The following RASGRP3 variants were observed in gnomAD, a reference collection of about 807,000 sequenced individuals.
The protein encoded by RASGRP3 is RAS guanyl releasing protein 3.
RASGRP3 carries 54 observed loss-of-function variants against 82.7 expected under a neutral mutation model. The ratio of observed to expected loss-of-function variants is 0.65; its 90% CI spans 0.52 to 0.82. RASGRP3 has a LOEUF of 0.82. Among genes scored for constraint, RASGRP3 ranks in the 40% least tolerant of loss-of-function variants. The pLI is 0.00. For synonymous variants in RASGRP3, 309 were observed against 300.5 expected (o/e 1.03, Z -0.29); for missense variants, 861 against 828.9 (o/e 1.04, Z -0.48).
chr2:33,468,320 G>C (rs1666844561), intron 2 of RASGRP3, among the ~76,000 whole-genome samples: 1 of 151,570 alleles, frequency 6.6e-6, no homozygotes, highest in South Asian at 2.1e-4. Flanking sequence ...TTAGAAAAAT[G>C]GGATTGTACT....
At chr2:33,443,445 A>C (rs779786836) in intron 1 of RASGRP3, among the ~76,000 whole-genome samples, 1 of 152,076 alleles carries the variant, frequency 6.6e-6, no homozygotes, top group Non-Finnish European at 1.5e-5. Context: ...AATTCTTTGG[A>C]TGGGGAAACT....
intron 17 of RASGRP3, chr2:33,559,773 G>C: frequency 2.5e-6 from 1 of 399,974 alleles, no homozygotes; most frequent in Non-Finnish European, 5.0e-6. Flanking sequence ...CTCATAAACA[G>C]AATATTGGGT....
intron 13 of RASGRP3, among the ~76,000 whole-genome samples, chr2:33,548,594 T>C (rs370752118): frequency 2.0e-5 from 3 of 151,906 alleles, no homozygotes; most frequent in South Asian, 4.2e-4. Context: ...AGAGAGGACA[T>C]AGGAGGTAGA....
intron 6 of RASGRP3, among the ~76,000 whole-genome samples, chr2:33,521,638 A>G (rs1454261270): frequency 2.6e-5 from 4 of 152,202 alleles, no homozygotes; most frequent in Non-Finnish European, 5.9e-5. Context: ...ATCACCACCT[A>G]TATCCTGATA....
At chr2:33,450,834 T>G (rs1322464675) in intron 2 of RASGRP3, among the ~76,000 whole-genome samples, 3 of 69,202 alleles carry the variant, frequency 4.3e-5, no homozygotes, top group African/African-American at 1.8e-4. Flanking sequence ...TTTTTTTTTT[T>G]TTTTTTTTTT....
chr2:33,519,737 T>C (rs910510299), intron 4 of RASGRP3, among the ~76,000 whole-genome samples: 1 of 152,214 alleles, frequency 6.6e-6, no homozygotes, highest in African/African-American at 2.4e-5. Context: ...AAGTGGCTTC[T>C]TCTTCAGACC....
At chr2:33,520,128 C>T in intron 5 of RASGRP3, 114 bp downstream of exon 5, 1 of 832,120 alleles carries the variant, frequency 1.2e-6, no homozygotes, top group Non-Finnish European at 1.9e-6. Flanking sequence ...TCTGATACCC[C>T]TCCCACCAAC....
At chr2:33,446,313 C>A (rs746681019) in intron 1 of RASGRP3, among the ~76,000 whole-genome samples, 2 of 152,090 alleles carry the variant, frequency 1.3e-5, no homozygotes, top group African/African-American at 4.8e-5. Context: ...CCCGCCACCA[C>A]GCCGGGCTAA....
intron 2 of RASGRP3, among the ~76,000 whole-genome samples, chr2:33,468,407 T>C (rs1359688492): frequency 7.1e-6 from 1 of 141,396 alleles, no homozygotes; most frequent in Non-Finnish European, 1.6e-5. Flanking sequence ...TGCTTCAACA[T>C]TTTTTTTTTT....
chr2:33,465,656 T>A (rs973694235), intron 2 of RASGRP3, among the ~76,000 whole-genome samples: 2 of 152,190 alleles, frequency 1.3e-5, no homozygotes, highest in African/African-American at 4.8e-5. Flanking sequence ...ATACAACAGA[T>A]TTTCCACGTA....
rs1256221959 is a variant in RASGRP3, at chr2:33,558,314, T to C, written c.1683T>C (p.Pro561=). The stretch of plus-strand genomic sequence containing the variant: ...TGAGCAGTGGTCATGGGTCACTGCC[T>C]GGAAGCCCCTCGCTGCCCCCAGGTA... ...PSLSSGHGSL[P]GSPSLPPAQD... Residue 561 remains proline, a synonymous_variant, in exon 16 of 18, where the codon CCT becomes CCC. Transcript: ENST00000403687. 2 of 1,613,654 alleles carry C rather than the reference T, an allele frequency of 1.2e-6. No individual in the cohort carries two copies. Among genetic ancestry groups the C allele is most frequent in the Non-Finnish European group, 8.5e-7 (1 of 1,179,870 alleles).
Position 33,549,625 on chromosome 2 carries a change from T to C in RASGRP3, c.1416T>C (p.Asp472=), listed in dbSNP as rs764743595. The change falls in exon 14 of 18, where the codon GAT becomes GAC. Residue 472 remains aspartate, a synonymous_variant. Coordinates refer to ENST00000403687, the MANE Select transcript of RASGRP3 (RefSeq NM_001139488.2). ...ACAGGGATGGCCTAATTAGTAAAGATGAAATGATGGCTTACTTCCTGAGAG... is the reference window on the plus strand; with the variant it reads ...ACAGGGATGGCCTAATTAGTAAAGACGAAATGATGGCTTACTTCCTGAGAG... ...DKDQDGLISK[D]EMMAYFLRAK... The C allele has an allele frequency of 1.2e-5, 20 of 1,613,212 alleles. No individual in the cohort carries two copies. The highest frequency in any genetic ancestry group is 1.2e-4 in the South Asian group (11 of 90,902).
At chr2:33,494,254 A>C (rs1669110824) in intron 1 of RASGRP3, among the ~76,000 whole-genome samples, 1 of 152,210 alleles carries the variant, frequency 6.6e-6, no homozygotes, top group Admixed American at 6.5e-5. Context: ...CTCTGAGTAG[A>C]CTAAAAACAC....
chr2:33,494,393 A>T (rs1277442965), intron 1 of RASGRP3, among the ~76,000 whole-genome samples: 1 of 152,232 alleles, frequency 6.6e-6, no homozygotes, highest in Non-Finnish European at 1.5e-5. Context: ...AAACAACAAC[A>T]AAAGTAGAGT....
Position 33,558,705 on chromosome 2 carries a change from C to T in RASGRP3, c.1739C>T (p.Thr580Ile), listed in dbSNP as rs1676295497. Residue 580 changes from threonine (T) to isoleucine (I), a missense_variant, in exon 17 of 18, where the codon ACT becomes ATT. Coordinates refer to ENST00000403687, the MANE Select transcript of RASGRP3 (RefSeq NM_001139488.2). ...GAGGTGTTTGAGTTCCCTGGAGTCA[C>T]TGCTGGACACAGGGATTTAGACAGC... The part of the protein sequence containing the change: ...QDEVFEFPGV[T>I]AGHRDLDSRA... 2 of 1,612,558 alleles carry T rather than the reference C, an allele frequency of 1.2e-6. No individual in the cohort carries two copies. The highest frequency in any genetic ancestry group is 1.7e-6 in the Non-Finnish European group (2 of 1,179,264).
rs552868740 is a variant in RASGRP3, at chr2:33,563,421, C to T, written c.*684C>T. 6.6e-6 allele frequency: 1 copy of T among 152,240 alleles called. No individual in the cohort carries two copies. Among genetic ancestry groups the T allele is most frequent in the African/African-American group, 2.4e-5 (1 of 41,528 alleles). 9.4% of individuals were successfully genotyped at this position (152,240 alleles called of 1,614,324 possible). The stretch of plus-strand genomic sequence containing the variant: ...CATGTATATATCACACAAGTCTTAC[C>T]AATTCTGCGTCACTAGGAAGCTATA... On this transcript the variant is annotated 3_prime_UTR_variant, in exon 18 of 18. Coordinates refer to ENST00000403687, the MANE Select transcript of RASGRP3 (RefSeq NM_001139488.2).
chr2:33,558,078 C>T lies in RASGRP3; in HGVS notation c.1580-133C>T, dbSNP rs1676208346. 10 of 1,211,760 alleles carry T rather than the reference C, an allele frequency of 8.3e-6. No individual in the cohort carries two copies. The South Asian group carries it at 1.5e-4, about 18-fold the overall frequency. 75.1% of individuals were successfully genotyped at this position (1,211,760 alleles called of 1,614,324 possible). A position where few individuals can be genotyped will look rare whatever the true frequency, so the allele number is the denominator to read the frequency against. On this transcript the variant is annotated intron_variant, in intron 15 of 17. Coordinates refer to ENST00000403687, the MANE Select transcript of RASGRP3 (RefSeq NM_001139488.2). ...CCAGATCCTAGACACACCCCATGGGCCTGAGCTCAACTCTGAAATTCAACA... is the reference window on the plus strand; with the variant it reads ...CCAGATCCTAGACACACCCCATGGGTCTGAGCTCAACTCTGAAATTCAACA...
At chr2:33,439,969 A>G (rs1665136996) in intron 1 of RASGRP3, among the ~76,000 whole-genome samples, 1 of 152,174 alleles carries the variant, frequency 6.6e-6, no homozygotes, top group South Asian at 2.1e-4. Flanking sequence ...CACATCTGAG[A>G]ACAAACTGAC....
At position 33,461,039 on chromosome 2, in the gene RASGRP3, G is replaced by A. The variant is rs537773254; in HGVS notation, c.-261+13096G>A. ...CTGCATTGATTTCTCACTGCCACGC[G>A]TTTATTTCCATCAACCAAGAAGATT... On this transcript the variant is annotated intron_variant, in intron 2 of 18. Transcript: ENST00000402538. 6.6e-5 allele frequency among the ~76,000 whole-genome samples: 10 copies of A among 152,244 alleles called. No homozygotes were observed. In the South Asian group the frequency reaches 1.7e-3, roughly 25 times the overall value.
Sources: gnomAD v4.1 joint callset for allele counts (sites outside exome capture counted in the v4.1 genomes callset) on GRCh38, gnomAD v4.1.1 for gene constraint, MANE v1.5 for transcripts, NCBI Gene and HGNC (gene_info 2026-07-23, HGNC 2026-07-21) for gene names.